IMMP2L: variants seen among roughly 807,000 people sequenced by gnomAD.
IMMP2L encodes inner mitochondrial membrane peptidase subunit 2, also known as mitochondrial inner membrane protease subunit 2.
Under a neutral mutation model 19.3 loss-of-function variants are expected in IMMP2L, and 18 were observed. The observed-to-expected ratio is 0.93, with a 90% CI of 0.64 to 1.38. IMMP2L has a LOEUF of 1.38. IMMP2L is among the 40% of genes most tolerant of loss of function. The probability of loss-of-function intolerance (pLI) is 0.00; values close to 1 mark genes in which losing one functional copy is unlikely to be tolerated. For missense variants in IMMP2L, 233 were observed against 218.2 expected, an observed-to-expected ratio of 1.07 and a Z score of -0.43; for synonymous variants, 76 against 73.0, an observed-to-expected ratio of 1.04 and a Z score of -0.21.
chr7:111,370,473 A>T (rs542164342), intron 3 of IMMP2L, among the ~76,000 whole-genome samples: 54 of 152,180 alleles, frequency 3.5e-4, no homozygotes, highest in African/African-American at 1.3e-3. Flanking sequence ...GATTACACAG[A>T]AAACGTCTAT....
chr7:110,885,819 A>T (rs1934212347), intron 5 of IMMP2L, among the ~76,000 whole-genome samples: 2 of 151,994 alleles, frequency 1.3e-5, no homozygotes, highest in South Asian at 4.2e-4. Flanking sequence ...CCTTGCCTGT[A>T]CCAGGAGGAA....
intron 3 of IMMP2L, among the ~76,000 whole-genome samples, chr7:111,016,462 A>C (rs2129564789): frequency 7.5e-6 from 1 of 133,412 alleles, no homozygotes; most frequent in African/African-American, 2.8e-5. Flanking sequence ...ATAAATATAT[A>C]TATTTATGTA....
intron 5 of IMMP2L, among the ~76,000 whole-genome samples, chr7:110,677,820 A>G (rs758155836): frequency 2.0e-5 from 3 of 152,146 alleles, no homozygotes; most frequent in East Asian, 1.9e-4. Context: ...AGGTTAGTAC[A>G]GGGAGGAAGG....
At chr7:111,553,784 T>C (rs2133118655) in intron 1 of IMMP2L, among the ~76,000 whole-genome samples, 1 of 152,298 alleles carries the variant, frequency 6.6e-6, no homozygotes, top group East Asian at 1.9e-4. Flanking sequence ...TCAAAATCCA[T>C]AAAGTAGTTC....
chr7:111,038,576 A>G (rs1791577421), intron 3 of IMMP2L, among the ~76,000 whole-genome samples: 1 of 152,144 alleles, frequency 6.6e-6, no homozygotes, highest in African/African-American at 2.4e-5. Flanking sequence ...TAAAATGTAA[A>G]GAGGTGAAGA....
At chr7:111,117,871 C>T (rs1015140300) in intron 3 of IMMP2L, among the ~76,000 whole-genome samples, 16 of 152,100 alleles carry the variant, frequency 1.1e-4, no homozygotes, top group Non-Finnish European at 2.1e-4. Context: ...CTTTTCCTCA[C>T]ACTCTGTAGT....
At chr7:111,074,093 G>C (rs1291377978) in intron 3 of IMMP2L, among the ~76,000 whole-genome samples, 1 of 152,110 alleles carries the variant, frequency 6.6e-6, no homozygotes, top group Non-Finnish European at 1.5e-5. Flanking sequence ...TGAACTACAT[G>C]CTCACAAAAC....
intron 3 of IMMP2L, among the ~76,000 whole-genome samples, chr7:111,062,399 A>G (rs1345906141): frequency 6.6e-6 from 1 of 152,214 alleles, no homozygotes; most frequent in African/African-American, 2.4e-5. Context: ...CCCATGACAC[A>G]TGGGAACTAT....
chr7:110,735,570 G>A lies in IMMP2L; in HGVS notation c.409-71849C>T, dbSNP rs577577781. Among the ~76,000 whole-genome samples the A allele has an allele frequency of 3.4e-4, 52 of 151,120 alleles. 2 individuals carry two copies. In the South Asian group the frequency reaches 0.01, roughly 30 times the overall value. ...AGCAATTTGTGAGGCTGAGGTGGGT[G>A]GATTGTTTGAGCTGAGGAGTTCAAG... On this transcript the variant is annotated intron_variant, in intron 5 of 5. Coordinates refer to ENST00000405709, the MANE Select transcript of IMMP2L (RefSeq NM_032549.4).
At chr7:110,826,042 C>G (rs150302327) in intron 5 of IMMP2L, among the ~76,000 whole-genome samples, 1 of 152,094 alleles carries the variant, frequency 6.6e-6, no homozygotes, top group South Asian at 2.1e-4. Flanking sequence ...TGAACACACA[C>G]TTCTCAAAAG....
In IMMP2L at chr7:111,562,465, CG is replaced by C. The variant is rs1476473298; in HGVS notation, c.-618del. On this transcript the variant is annotated 5_prime_UTR_variant, in exon 1 of 6. Transcript: ENST00000405709. ...ACGCCGGGCGCCCGCCCTCCGCACC[CG>C]CTGCGCAGCTCAGCCCGGGGGAAGT... is the stretch of plus-strand genomic sequence containing the variant. 7.0e-4 allele frequency: 106 copies of C among 151,764 alleles called. 1 individual carries two copies. The highest frequency in any genetic ancestry group is 2.4e-3 in the African/African-American group (99 of 41,474). 9.4% of individuals were successfully genotyped at this position (151,764 alleles called of 1,614,324 possible).
intron 3 of IMMP2L, among the ~76,000 whole-genome samples, chr7:111,063,275 G>T (rs1406641206): frequency 2.6e-5 from 4 of 152,204 alleles, no homozygotes; most frequent in Non-Finnish European, 4.4e-5. Flanking sequence ...AGCCCAAGCT[G>T]TACCTTGGCC....
At chr7:111,024,808 GCA>G (rs1430980224) in intron 3 of IMMP2L, among the ~76,000 whole-genome samples, 1 of 152,064 alleles carries the variant, frequency 6.6e-6, no homozygotes, top group Admixed American at 6.6e-5. Flanking sequence ...AAGAAAAATA[GCA>G]GAGAGAAGAT....
In IMMP2L at chr7:111,218,359, G is replaced by A. The variant is rs186486707; in HGVS notation, c.240-254794C>T. Reference sequence around the variant, plus strand: ...TTAATGTCTTCCTCCTGAAAGAGCTGCAAATAAAGAATGCATGTACCTATG... The same window carrying A: ...TTAATGTCTTCCTCCTGAAAGAGCTACAAATAAAGAATGCATGTACCTATG... On this transcript the variant is annotated intron_variant, in intron 3 of 5. Transcript: ENST00000405709. 2.1e-4 allele frequency among the ~76,000 whole-genome samples: 32 copies of A among 152,086 alleles called. No individual in the cohort carries two copies. The Middle Eastern group carries it at 0.014, about 65-fold the overall frequency.
chr7:111,176,737 T>C (rs1200833135), intron 3 of IMMP2L, among the ~76,000 whole-genome samples: 1 of 151,912 alleles, frequency 6.6e-6, no homozygotes, highest in African/African-American at 2.4e-5. Context: ...CCATCAACAA[T>C]AATTAATTGT....
intron 5 of IMMP2L, among the ~76,000 whole-genome samples, chr7:110,880,460 A>G (rs1183211671): frequency 3.9e-5 from 6 of 152,126 alleles, no homozygotes; most frequent in Admixed American, 3.3e-4. Flanking sequence ...ATAGCTTGCT[A>G]TTTATTAAAA....
chr7:110,816,794 C>A (rs1584919518), intron 5 of IMMP2L, among the ~76,000 whole-genome samples: 1 of 151,552 alleles, frequency 6.6e-6, no homozygotes, highest in African/African-American at 2.4e-5. Context: ...GCAACCCCTG[C>A]CTTTTTTTGT....
chr7:110,797,701 T>C (rs149608212), intron 5 of IMMP2L, among the ~76,000 whole-genome samples: 31 of 152,114 alleles, frequency 2.0e-4, no homozygotes, highest in Admixed American at 1.7e-3. Context: ...TCACATGCTA[T>C]TTATTGGTTC....
chr7:111,112,759 A>T (rs1799389577), intron 3 of IMMP2L, among the ~76,000 whole-genome samples: 1 of 152,180 alleles, frequency 6.6e-6, no homozygotes, highest in South Asian at 2.1e-4. Context: ...GGGAACTAAA[A>T]ATACAGCCCA....
Sources: gnomAD v4.1 joint callset for allele counts (sites outside exome capture counted in the v4.1 genomes callset) on GRCh38, gnomAD v4.1.1 for gene constraint, MANE v1.5 for transcripts, NCBI Gene and HGNC (gene_info 2026-07-23, HGNC 2026-07-21) for gene names.